GRM8: variants seen among roughly 807,000 people sequenced by gnomAD.
GRM8 encodes the protein metabotropic glutamate receptor 8.
In GRM8, 47 loss-of-function variants were observed where a neutral mutation model predicts 87.2. That is an observed-to-expected ratio of 0.54 (90% CI 0.43 to 0.69). GRM8 has a LOEUF of 0.69. GRM8 is among the 30% of genes least tolerant of loss of function. The pLI is 0.00. For missense variants in GRM8, 1,019 were observed against 1,139.2 expected (o/e 0.89, Z 1.52); for synonymous variants, 396 against 404.5 (o/e 0.98, Z 0.25).
intron 9 of GRM8, among the ~76,000 whole-genome samples, chr7:126,483,480 C>T (rs1402325146): frequency 8.4e-6 from 1 of 119,548 alleles, no homozygotes; most frequent in Non-Finnish European, 1.7e-5. Flanking sequence ...TCCCTTCCTT[C>T]CTTCCTTCCT....
chr7:126,472,647 C>T (rs13237140), intron 9 of GRM8, among the ~76,000 whole-genome samples: 22,468 of 152,178 alleles, frequency 0.15, 1,786 homozygotes, highest in South Asian at 0.18. Context: ...CAGAAGTTTG[C>T]GTGAGTAATG....
chr7:127,210,438 A>C (rs1327438051), intron 2 of GRM8, among the ~76,000 whole-genome samples: 2 of 152,210 alleles, frequency 1.3e-5, no homozygotes, highest in Non-Finnish European at 2.9e-5. Flanking sequence ...GAAACACCAA[A>C]CAATGGAGCA....
chr7:126,923,818 G>C (rs1425730690), intron 3 of GRM8, among the ~76,000 whole-genome samples: 1 of 152,144 alleles, frequency 6.6e-6, no homozygotes, highest in Non-Finnish European at 1.5e-5. Flanking sequence ...GATAGAGCTT[G>C]AAACTCTGGC....
intron 3 of GRM8, among the ~76,000 whole-genome samples, chr7:127,104,178 A>G (rs1428171754): frequency 6.6e-6 from 1 of 152,166 alleles, no homozygotes; most frequent in Non-Finnish European, 1.5e-5. Context: ...AGAAAACATT[A>G]TGAGTTGGGG....
intron 9 of GRM8, among the ~76,000 whole-genome samples, chr7:126,466,342 A>T (rs940558610): frequency 1.3e-5 from 2 of 151,868 alleles, no homozygotes; most frequent in African/African-American, 4.8e-5. Context: ...TGTAAGAAGC[A>T]TTTACTTGAT....
chr7:127,046,048 A>G (rs1269175985), intron 3 of GRM8, among the ~76,000 whole-genome samples: 1 of 152,164 alleles, frequency 6.6e-6, no homozygotes, highest in African/African-American at 2.4e-5. Context: ...CTCTCTAATC[A>G]TTTCAGACTT....
intron 7 of GRM8, among the ~76,000 whole-genome samples, chr7:126,693,341 A>G (rs1460207251): frequency 3.3e-5 from 5 of 152,226 alleles, no homozygotes; most frequent in Admixed American, 3.3e-4. Flanking sequence ...AATCAAAAAT[A>G]TATTTTAAAA....
intron 6 of GRM8, among the ~76,000 whole-genome samples, chr7:126,783,219 G>A (rs186240619): frequency 1.1e-4 from 16 of 152,192 alleles, no homozygotes; most frequent in Middle Eastern, 3.4e-3. Flanking sequence ...GACTGGGGCC[G>A]GATCTAACTT....
rs879339632 is a variant in GRM8 at position 126,727,736 on chromosome 7, CACA to C, written c.1357+42126_1357+42128del. 7.9e-5 allele frequency among the ~76,000 whole-genome samples: 12 copies of C among 151,140 alleles called. No homozygotes were observed. In the South Asian group the frequency reaches 8.4e-4, roughly 11 times the overall value. On this transcript the variant is annotated intron_variant, in intron 7 of 10. Transcript: ENST00000339582. Reference sequence around the variant, plus strand: ...ACACACACACACACACACACACACACACACCCCTAAAAAAACAAAACTATAGGT... The same window carrying C: ...ACACACACACACACACACACACACACCCCCTAAAAAAACAAAACTATAGGT...
At chr7:127,153,507 G>C (rs573526702) in intron 2 of GRM8, among the ~76,000 whole-genome samples, 1 of 152,260 alleles carries the variant, frequency 6.6e-6, no homozygotes, top group African/African-American at 2.4e-5. Flanking sequence ...CCTCTGTGAA[G>C]TAGTAGAAAG....
intron 2 of GRM8, among the ~76,000 whole-genome samples, chr7:127,141,470 C>T (rs907403871): frequency 1.2e-4 from 18 of 152,108 alleles, no homozygotes; most frequent in Admixed American, 2.6e-4. Flanking sequence ...TGTACAGAAA[C>T]AGGATCCCCA....
chr7:126,944,451 C>T (rs1297473138), intron 3 of GRM8, among the ~76,000 whole-genome samples: 1 of 152,126 alleles, frequency 6.6e-6, no homozygotes, highest in Admixed American at 6.5e-5. Context: ...GCTGCACAGG[C>T]TTTGAGGAGA....
chr7:126,778,858 A>G (rs1233873502), intron 6 of GRM8, among the ~76,000 whole-genome samples: 1 of 152,144 alleles, frequency 6.6e-6, no homozygotes, highest in African/African-American at 2.4e-5. Flanking sequence ...TTAAATTACA[A>G]AAGTAATACA....
chr7:126,779,832 C>G (rs1023751924), intron 6 of GRM8, among the ~76,000 whole-genome samples: 4 of 152,156 alleles, frequency 2.6e-5, no homozygotes, highest in Admixed American at 1.3e-4. Flanking sequence ...CCTACCTCTT[C>G]TACACAACAC....
intron 2 of GRM8, among the ~76,000 whole-genome samples, chr7:127,135,835 T>C (rs1156451253): frequency 6.6e-6 from 1 of 152,154 alleles, no homozygotes; most frequent in Admixed American, 6.5e-5. Flanking sequence ...GGCAAATAGA[T>C]CTTAACTATT....
chr7:127,225,043 T>C (rs551904161), intron 2 of GRM8, among the ~76,000 whole-genome samples: 4 of 152,230 alleles, frequency 2.6e-5, no homozygotes, highest in African/African-American at 9.6e-5. Context: ...TATAGATAAA[T>C]CAAAATTGGA....
At chr7:127,103,368 T>G (rs1358812816) in intron 3 of GRM8, among the ~76,000 whole-genome samples, 1 of 152,172 alleles carries the variant, frequency 6.6e-6, no homozygotes, top group Non-Finnish European at 1.5e-5. Context: ...GTCTTCAAGA[T>G]AGTGAGTTCT....
chr7:127,006,541 T>C (rs1244210899), intron 3 of GRM8, among the ~76,000 whole-genome samples: 1 of 152,052 alleles, frequency 6.6e-6, no homozygotes, highest in Non-Finnish European at 1.5e-5. Flanking sequence ...ATCAAGGTCA[T>C]TAACAACCTC....
At chr7:127,152,780 C>T (rs11266838) in intron 2 of GRM8, among the ~76,000 whole-genome samples, 33,276 of 151,944 alleles carry the variant, frequency 0.22, 3,824 homozygotes, top group Middle Eastern at 0.31. Flanking sequence ...TAAAGATCAC[C>T]AAAGGAATTT....
Sources: allele counts gnomAD v4.1 joint callset (sites outside exome capture counted in the v4.1 genomes callset), GRCh38; gene constraint gnomAD v4.1.1; transcripts MANE v1.5; gene names NCBI Gene and HGNC (gene_info 2026-07-23, HGNC 2026-07-21).